The following PRIM2 variants were observed in gnomAD, a reference collection of about 807,000 sequenced individuals.
PRIM2 encodes DNA primase large subunit.
Under a neutral mutation model 67.3 loss-of-function variants are expected in PRIM2, and 39 were observed. That is an observed-to-expected ratio of 0.58 (90% CI 0.45 to 0.76). The LOEUF (loss-of-function observed/expected upper bound fraction) is 0.76, where lower values mean the gene tolerates loss of function less well. PRIM2 is among the 30% of genes least tolerant of loss of function. The pLI, the probability that PRIM2 is intolerant of heterozygous loss-of-function variation, is 0.00. For synonymous variants in PRIM2, 143 were observed against 198.7 expected, an observed-to-expected ratio of 0.72 and a Z score of 2.36; for missense variants, 398 against 598.7, an observed-to-expected ratio of 0.66 and a Z score of 3.50.
chr6:57,335,349 T>C (rs901737240), intron 5 of PRIM2, among the ~76,000 whole-genome samples: 2 of 152,230 alleles, frequency 1.3e-5, no homozygotes, highest in Non-Finnish European at 2.9e-5. Flanking sequence ...TGGAACTGGG[T>C]GGAGCCCACC....
At chr6:57,289,644 C>T in the PRIM2 span, among the ~76,000 whole-genome samples, 5 of 152,168 alleles carry the variant, frequency 3.3e-5, no homozygotes, top group Non-Finnish European at 7.3e-5. Context: ...GAGTAGGGGC[C>T]AACATTCAAC....
At chr6:57,549,812 C>T (rs1775363738) in intron 10 of PRIM2, among the ~76,000 whole-genome samples, 1 of 152,010 alleles carries the variant, frequency 6.6e-6, no homozygotes, top group Non-Finnish European at 1.5e-5. Flanking sequence ...AAAATAGTTT[C>T]TTATGGCTCA....
the PRIM2 span, among the ~76,000 whole-genome samples, chr6:57,281,702 T>C: frequency 6.6e-6 from 1 of 152,040 alleles, no homozygotes; most frequent in South Asian, 2.1e-4. Context: ...CACAGAGAGG[T>C]GCTCCTGGGC....
chr6:57,546,325 T>G (rs1261014168), intron 10 of PRIM2, among the ~76,000 whole-genome samples: 8 of 152,194 alleles, frequency 5.3e-5, no homozygotes, highest in East Asian at 1.9e-4. Flanking sequence ...TGGAAAACAG[T>G]TCCAAAACAC....
At chr6:57,556,263 T>C (rs1775511606) in intron 10 of PRIM2, among the ~76,000 whole-genome samples, 1 of 152,142 alleles carries the variant, frequency 6.6e-6, no homozygotes, top group African/African-American at 2.4e-5. Flanking sequence ...CAACTACCAA[T>C]GACATTCTTC....
intron 7 of PRIM2, among the ~76,000 whole-genome samples, chr6:57,389,445 C>T (rs1051086325): frequency 1.6e-4 from 24 of 152,104 alleles, no homozygotes; most frequent in Middle Eastern, 6.8e-3. Context: ...TGAGACTCAT[C>T]TTTAGAAGGT....
chr6:57,626,572 T>G (rs1490604851), intron 12 of PRIM2, among the ~76,000 whole-genome samples: 1 of 152,016 alleles, frequency 6.6e-6, no homozygotes, highest in Non-Finnish European at 1.5e-5. Flanking sequence ...GTATAATTAA[T>G]GCTTTCAGCA....
intron 12 of PRIM2, among the ~76,000 whole-genome samples, chr6:57,628,138 C>T (rs1256930425): frequency 2.6e-5 from 4 of 152,122 alleles, no homozygotes; most frequent in Non-Finnish European, 4.4e-5. Context: ...TACTTACAAG[C>T]CACATAAATA....
chr6:57,485,569 C>A lies in PRIM2; in HGVS notation c.694-21818C>A, dbSNP rs1383607158. Among the ~76,000 whole-genome samples the A allele has an allele frequency of 7.2e-3, 1,102 of 152,170 alleles. 15 individuals are homozygous for A. Among genetic ancestry groups the A allele is most frequent in the African/African-American group, 0.024 (983 of 41,500 alleles). ...ATATGCAGTACTGCATTTTCTTGTC[C>A]TTTTAATTTTAGGTCTCTAAGACAG... On this transcript the variant is annotated intron_variant, in intron 7 of 13. Coordinates refer to ENST00000615550, the MANE Select transcript of PRIM2 (RefSeq NM_000947.5).
Position 57,320,461 on chromosome 6 carries a change from A to G in PRIM2, c.159A>G (p.Leu53=). ...ENLAIDRVKL[L]KSVENLGVSY... ...TACCTTTTTTCTTTTTTTTAGTGTT[A>G]AAATCAGTTGAAAATCTTGGAGTGA... The change falls in exon 3 of 14, where the codon TTA becomes TTG. Residue 53 remains leucine, a synonymous_variant. Transcript: ENST00000615550. 6.3e-7 allele frequency: 1 copy of G among 1,593,920 alleles called. No homozygotes were observed. The highest frequency in any genetic ancestry group is 8.5e-7 in the Non-Finnish European group (1 of 1,172,414).
At chr6:57,597,224 T>C (rs1468399580) in intron 10 of PRIM2, among the ~76,000 whole-genome samples, 1 of 152,232 alleles carries the variant, frequency 6.6e-6, no homozygotes, top group Non-Finnish European at 1.5e-5. Context: ...GAGGAAGCAA[T>C]GTCTTCTGCC....
At chr6:57,625,249 G>A (rs1776928721) in intron 12 of PRIM2, among the ~76,000 whole-genome samples, 1 of 152,096 alleles carries the variant, frequency 6.6e-6, no homozygotes. Flanking sequence ...ATTTAAATAA[G>A]GTTGTTTGGT....
chr6:57,301,539 C>T, the PRIM2 span, among the ~76,000 whole-genome samples: 36 of 152,022 alleles, frequency 2.4e-4, no homozygotes, highest in East Asian at 7.8e-4. Context: ...CAGTGGCTCA[C>T]GCCTGTAATC....
intron 12 of PRIM2, among the ~76,000 whole-genome samples, chr6:57,607,792 C>G (rs1776589642): frequency 6.6e-6 from 1 of 152,104 alleles, no homozygotes; most frequent in Non-Finnish European, 1.5e-5. Context: ...TCTATGTTAA[C>G]ATATTATGTC....
At chr6:57,413,797 A>G (rs1263802697) in intron 7 of PRIM2, among the ~76,000 whole-genome samples, 15 of 152,282 alleles carry the variant, frequency 9.9e-5, no homozygotes, top group African/African-American at 3.6e-4. Flanking sequence ...GTTGTAAAAC[A>G]TTATAGTAGA....
the PRIM2 span, among the ~76,000 whole-genome samples, chr6:57,245,812 T>C: frequency 3.9e-5 from 6 of 152,192 alleles, no homozygotes; most frequent in African/African-American, 1.2e-4. Flanking sequence ...CTTGGGATAG[T>C]GCAGGGGATG....
intron 7 of PRIM2, among the ~76,000 whole-genome samples, chr6:57,436,531 G>C (rs1772020104): frequency 6.6e-6 from 1 of 152,192 alleles, no homozygotes; most frequent in African/African-American, 2.4e-5. Flanking sequence ...ACACTGGGGA[G>C]TGTTCATGAG....
chr6:57,536,092 A>G (rs1423260610), intron 9 of PRIM2, among the ~76,000 whole-genome samples: 104 of 152,328 alleles, frequency 6.8e-4, no homozygotes, highest in African/African-American at 2.5e-3. Context: ...GGTCTGAATG[A>G]ACTAGACTGG....
chr6:57,309,039 C>T, the PRIM2 span, among the ~76,000 whole-genome samples: 11 of 151,670 alleles, frequency 7.3e-5, no homozygotes, highest in African/African-American at 2.7e-4. Flanking sequence ...AGCAGATAAA[C>T]ACGAGAACAA....
Sources: allele counts gnomAD v4.1 joint callset (sites outside exome capture counted in the v4.1 genomes callset), GRCh38; gene constraint gnomAD v4.1.1; transcripts MANE v1.5; gene names NCBI Gene and HGNC (gene_info 2026-07-23, HGNC 2026-07-21).